Variants in TTC19 observed in about 807,000 individuals in gnomAD.
TTC19 encodes tetratricopeptide repeat domain 19.
Under a neutral mutation model 49.5 loss-of-function variants are expected in TTC19, and 38 were observed. The observed-to-expected ratio is 0.77, with a 90% CI of 0.59 to 1.01. The LOEUF (loss-of-function observed/expected upper bound fraction) is 1.01, where lower values mean the gene tolerates loss of function less well. Among genes scored for constraint, TTC19 ranks in the 50% least tolerant of loss-of-function variants. TTC19 has a pLI of 0.00. For synonymous variants in TTC19, 204 were observed against 185.2 expected, an observed-to-expected ratio of 1.10 and a Z score of -0.83; for missense variants, 475 against 477.7, an observed-to-expected ratio of 0.99 and a Z score of 0.05.
chr17:16,039,426 G>T, intron 2 of TTC19: 1 of 1,611,934 alleles, frequency 6.2e-7, no homozygotes. Flanking sequence ...TAAAATGAAA[G>T]CTGTACCTGA....
downstream of TTC19, chr17:16,032,262 T>C: frequency 1.3e-6 from 2 of 1,542,174 alleles, no homozygotes; most frequent in Non-Finnish European, 1.7e-6. Context: ...TAGAGATCCC[T>C]CTCCTGCACC....
chr17:16,032,169 G>T, downstream of TTC19: 3 of 905,190 alleles, frequency 3.3e-6, no homozygotes, highest in Non-Finnish European at 4.7e-6. Context: ...TCATCTGTGG[G>T]CTGGCTCTCC....
intron 6 of TTC19, among the ~76,000 whole-genome samples, chr17:16,005,289 C>T (rs1180394164): frequency 6.6e-6 from 1 of 152,164 alleles, no homozygotes; most frequent in African/African-American, 2.4e-5. Flanking sequence ...CCTCTTGCTC[C>T]GACTGGGAGC....
At chr17:16,023,105 T>A (rs1165872092) in intron 7 of TTC19, among the ~76,000 whole-genome samples, 1 of 152,236 alleles carries the variant, frequency 6.6e-6, no homozygotes, top group Non-Finnish European at 1.5e-5. Context: ...AAAGTTTTCT[T>A]ACGTTTTCTA....
Position 16,004,227 on chromosome 17 carries a change from C to A in TTC19, c.546C>A (p.Ser182=). The A allele has an allele frequency of 1.2e-6, 2 of 1,614,136 alleles. No homozygotes were observed. The highest frequency in any genetic ancestry group is 1.7e-6 in the Non-Finnish European group (2 of 1,180,018). Residue 182 remains serine (S), a synonymous_variant, in exon 6 of 10, where the codon TCC becomes TCA. Transcript: ENST00000261647. The stretch of plus-strand genomic sequence containing the variant: ...AGGACAATGCAATAATTGAAATTTC[C>A]CTAAAGCTGGCCAGTATCTATGCTG... The part of the protein sequence containing the change: ...KQEDNAIIEI[S]LKLASIYAAQ...
rs1597448513 is a variant in TTC19 at position 16,001,682 on chromosome 17, C to T, written c.313-233C>T. 2.0e-5 allele frequency among the ~76,000 whole-genome samples: 3 copies of T among 152,330 alleles called. No individual in the cohort carries two copies. In the South Asian group the frequency reaches 6.2e-4, roughly 32 times the overall value. ...TGTTGTAAGATCACATTCCTTCTGCCTGTGTCTCTTGGCCAAAACTTCATC... is the reference window on the plus strand; with the variant it reads ...TGTTGTAAGATCACATTCCTTCTGCTTGTGTCTCTTGGCCAAAACTTCATC... On this transcript the variant is annotated intron_variant, in intron 2 of 9. Coordinates refer to ENST00000261647, the MANE Select transcript of TTC19 (RefSeq NM_017775.4).
chr17:16,042,101 G>A (rs1288404469), intron 2 of TTC19, among the ~76,000 whole-genome samples: 6 of 152,156 alleles, frequency 3.9e-5, no homozygotes, highest in Non-Finnish European at 7.3e-5. Context: ...CACATGAGAG[G>A]AGGGAAGAGT....
chr17:16,000,303 C>A (rs1431262770), intron 2 of TTC19, 58 bp downstream of exon 2: 1 of 1,583,332 alleles, frequency 6.3e-7, no homozygotes, highest in Non-Finnish European at 8.5e-7. Flanking sequence ...TGAGCGGGGT[C>A]TTGGCGTTGC....
At position 16,000,343 on chromosome 17, in the gene TTC19, A is replaced by T. The variant is rs553580702; in HGVS notation, c.312+98A>T. 7 of 1,541,414 alleles carry T rather than the reference A, an allele frequency of 4.5e-6. No individual in the cohort carries two copies. The South Asian group carries it at 7.0e-5, about 15-fold the overall frequency. On this transcript the variant is annotated intron_variant, in intron 2 of 9. Coordinates refer to ENST00000261647, the MANE Select transcript of TTC19 (RefSeq NM_017775.4). ...CATTACTCTCTCCGCCTCGCCGAAGAGTGGATGGAGGCTCCGCGGGTAAAA... is the reference window on the plus strand; with the variant it reads ...CATTACTCTCTCCGCCTCGCCGAAGTGTGGATGGAGGCTCCGCGGGTAAAA...
intron 2 of TTC19, chr17:16,040,070 G>A (rs1360738206): frequency 9.0e-6 from 4 of 444,754 alleles, no homozygotes; most frequent in African/African-American, 2.0e-5. Flanking sequence ...GATTACAGGC[G>A]TGAGCCACCG....
downstream of TTC19, among the ~76,000 whole-genome samples, chr17:16,032,938 G>A (rs141119141): frequency 1.3e-5 from 2 of 152,274 alleles, no homozygotes; most frequent in Non-Finnish European, 2.9e-5. Context: ...GAATCTCACT[G>A]GGCAGATTTT....
intron 9 of TTC19, chr17:16,027,173 A>G (rs1971587061): frequency 1.6e-6 from 1 of 624,934 alleles, no homozygotes; most frequent in South Asian, 1.9e-5. Flanking sequence ...CTCAGGATAT[A>G]CTGGAAAGGG....
downstream of TTC19, chr17:16,031,059 TTCTTAATGAAAGATAAAACTG>T: frequency 5.2e-6 from 1 of 193,478 alleles, no homozygotes; most frequent in East Asian, 8.1e-5. Flanking sequence ...CAGCAAGCAA[TTCTTAATGAAAGATAAAACTG>T]GCCCTCTAGT....
chr17:16,003,781 A>G, intron 4 of TTC19, 50 bp from the exon 5 acceptor site: 1 of 1,484,756 alleles, frequency 6.7e-7, no homozygotes, highest in Non-Finnish European at 9.3e-7. Flanking sequence ...ATATATATAT[A>G]TATAAAATGG....
At chr17:16,032,064 AT>A, downstream of TTC19, 1 of 483,662 alleles carries the variant, frequency 2.1e-6, no homozygotes, top group Non-Finnish European at 3.6e-6. Context: ...ACCCTCCACT[AT>A]TATTATAGTC....
chr17:16,033,943 G>A (rs1009272238), downstream of TTC19, among the ~76,000 whole-genome samples: 10 of 151,954 alleles, frequency 6.6e-5, no homozygotes, highest in African/African-American at 1.7e-4. Context: ...TGATCTGCCC[G>A]CCTCAGCCTC....
intron 2 of TTC19, among the ~76,000 whole-genome samples, chr17:16,041,475 G>A (rs1215523777): frequency 1.4e-5 from 2 of 142,108 alleles, no homozygotes; most frequent in Non-Finnish European, 3.0e-5. Flanking sequence ...GTGCAATGGC[G>A]TGATCTAGGC....
At position 16,026,587 on chromosome 17, in the gene TTC19, C is replaced by T. The variant is rs752689716; in HGVS notation, c.879C>T (p.Gly293=). The change falls in exon 9 of 10, where the codon GGC becomes GGT. Residue 293 remains glycine, a synonymous_variant. Transcript: ENST00000261647. Reference sequence around the variant, plus strand: ...TGGCTACTACCCTGGATGCACAGGGCCGCTTTGATGAGGCCTATATTTATA... The same window carrying T: ...TGGCTACTACCCTGGATGCACAGGGTCGCTTTGATGAGGCCTATATTTATA... ...SDLATTLDAQ[G]RFDEAYIYMQ... The T allele has an allele frequency of 3.1e-6, 5 of 1,614,130 alleles. No homozygotes were observed. The East Asian group carries it at 8.9e-5, about 29-fold the overall frequency.
At chr17:16,041,204 G>A (rs981457115) in intron 2 of TTC19, 1 of 152,164 alleles carries the variant, frequency 6.6e-6, no homozygotes, top group African/African-American at 2.4e-5. Flanking sequence ...TGTGCAACTT[G>A]TAATCTGCAG....
Sources: gnomAD v4.1 joint callset for allele counts (sites outside exome capture counted in the v4.1 genomes callset) on GRCh38, gnomAD v4.1.1 for gene constraint, MANE v1.5 for transcripts, NCBI Gene and HGNC (gene_info 2026-07-23, HGNC 2026-07-21) for gene names.